Variants in MSRB3 observed in about 807,000 individuals in gnomAD.
The protein encoded by MSRB3 is methionine sulfoxide reductase B3, also known as methionine-R-sulfoxide reductase B3.
Under a neutral mutation model 21.0 loss-of-function variants are expected in MSRB3, and 13 were observed. The ratio of observed to expected loss-of-function variants is 0.62; its 90% CI spans 0.40 to 0.98. The LOEUF (loss-of-function observed/expected upper bound fraction) is 0.98. MSRB3 is among the 50% of genes least tolerant of loss of function. MSRB3 has a pLI of 0.00. For missense variants in MSRB3, 199 were observed against 230.3 expected, an observed-to-expected ratio of 0.86 and a Z score of 0.88; for synonymous variants, 87 against 88.6, an observed-to-expected ratio of 0.98 and a Z score of 0.10.
intron 5 of MSRB3, among the ~76,000 whole-genome samples, chr12:65,453,241 G>A (rs796986612): frequency 1.1e-4 from 16 of 152,068 alleles, no homozygotes; most frequent in East Asian, 5.8e-4. Flanking sequence ...CAGGATAGTC[G>A]TTTTGTTAAA....
chr12:65,311,024 T>A (rs1873954631), intron 2 of MSRB3, among the ~76,000 whole-genome samples: 1 of 152,226 alleles, frequency 6.6e-6, no homozygotes, highest in South Asian at 2.1e-4. Context: ...CATGTATCTG[T>A]ATTAATATAG....
In MSRB3 at chr12:65,464,036, AGGCCAAGGCGGGT is replaced by A. The variant is rs1436621199; in HGVS notation, c.*717_*729del. 6.6e-6 allele frequency: 1 copy of A among 152,338 alleles called. No individual in the cohort carries two copies. The highest frequency in any genetic ancestry group is 1.5e-5 in the Non-Finnish European group (1 of 68,182). The allele number at this position is 152,338 out of a possible 1,614,324, so 9.4% of individuals were successfully genotyped here. A position where few individuals can be genotyped will look rare whatever the true frequency, so the allele number is the denominator to read the frequency against. On this transcript the variant is annotated 3_prime_UTR_variant, in exon 7 of 7. Coordinates refer to ENST00000308259, the MANE Select transcript of MSRB3 (RefSeq NM_001031679.3). ...ACGCCTGTGATCCCAGCACTTTGGGAGGCCAAGGCGGGTGGATCACGAGGTCAGGAGATGGAGA... is the reference window on the plus strand; with the variant it reads ...ACGCCTGTGATCCCAGCACTTTGGGAGGATCACGAGGTCAGGAGATGGAGA...
intron 6 of MSRB3, among the ~76,000 whole-genome samples, chr12:65,454,479 ATAATC>A: frequency 6.6e-6 from 1 of 152,252 alleles, no homozygotes; most frequent in African/African-American, 2.4e-5. Flanking sequence ...TGATATTTTG[ATAATC>A]TCCCTCTCCT....
chr12:65,326,599 G>C (rs941234513), intron 2 of MSRB3, among the ~76,000 whole-genome samples: 2 of 152,196 alleles, frequency 1.3e-5, no homozygotes, highest in Non-Finnish European at 2.9e-5. Context: ...GAGACTGGCT[G>C]TAGCATATTG....
At chr12:65,357,593 C>T (rs371249967) in intron 4 of MSRB3, among the ~76,000 whole-genome samples, 1 of 151,712 alleles carries the variant, frequency 6.6e-6, no homozygotes, top group African/African-American at 2.4e-5. Context: ...TTTTCTGTTC[C>T]AGGATTCTAT....
intron 5 of MSRB3, among the ~76,000 whole-genome samples, chr12:65,396,499 T>A (rs547316911): frequency 6.6e-6 from 1 of 152,240 alleles, no homozygotes; most frequent in African/African-American, 2.4e-5. Flanking sequence ...AAGACCAGCC[T>A]GGTCAACATG....
chr12:65,369,048 T>A (rs1480215991), intron 5 of MSRB3, 22 bp downstream of exon 5: 7 of 1,520,092 alleles, frequency 4.6e-6, no homozygotes, highest in Non-Finnish European at 6.4e-6. Flanking sequence ...TTAATAATGC[T>A]CTTCTGAATA....
intron 5 of MSRB3, among the ~76,000 whole-genome samples, chr12:65,408,671 C>T (rs1880552074): frequency 6.6e-6 from 1 of 152,130 alleles, no homozygotes; most frequent in African/African-American, 2.4e-5. Flanking sequence ...TGAGCCTGCG[C>T]CCTTGGGCTG....
intron 5 of MSRB3, among the ~76,000 whole-genome samples, chr12:65,375,321 A>T (rs1878551561): frequency 6.6e-6 from 1 of 152,186 alleles, no homozygotes; most frequent in Non-Finnish European, 1.5e-5. Flanking sequence ...CTCAGATTTC[A>T]TATGTACCCT....
chr12:65,403,813 G>A (rs989752514), intron 5 of MSRB3, among the ~76,000 whole-genome samples: 38 of 152,284 alleles, frequency 2.5e-4, no homozygotes, highest in African/African-American at 6.3e-4. Flanking sequence ...AGAGTGCAGC[G>A]TTCCTCATGG....
At chr12:65,338,647 C>A (rs998953974) in intron 4 of MSRB3, among the ~76,000 whole-genome samples, 1 of 151,968 alleles carries the variant, frequency 6.6e-6, no homozygotes, top group Non-Finnish European at 1.5e-5. Context: ...AATATAAGAA[C>A]GATTAAAAAT....
At chr12:65,459,755 G>A (rs1286362523) in intron 6 of MSRB3, among the ~76,000 whole-genome samples, 1 of 152,212 alleles carries the variant, frequency 6.6e-6, no homozygotes. Flanking sequence ...AAGACAGTGG[G>A]AAATACATCA....
At chr12:65,383,977 A>G (rs1879082822) in intron 5 of MSRB3, among the ~76,000 whole-genome samples, 2 of 152,166 alleles carry the variant, frequency 1.3e-5, no homozygotes, top group Non-Finnish European at 2.9e-5. Flanking sequence ...TTAAATGTAG[A>G]GATATGCTGC....
rs1821767247 is a variant in MSRB3, at chr12:65,418,976, A to G, written c.293-34752A>G. 3 of 708,264 alleles carry G rather than the reference A, an allele frequency of 4.2e-6. No individual in the cohort carries two copies. The Admixed American group carries it at 6.0e-5, about 14-fold the overall frequency. The allele number at this position is 708,264 out of a possible 1,614,324, so 43.9% of individuals were successfully genotyped here. On this transcript the variant is annotated intron_variant, in intron 5 of 6. Transcript: ENST00000308259. Reference sequence around the variant, plus strand: ...TCTGCCCGGGTCTGTGTCAACTCCAACTCCAGGTGCAGCAGGATCCCGTTG... The same window carrying G: ...TCTGCCCGGGTCTGTGTCAACTCCAGCTCCAGGTGCAGCAGGATCCCGTTG...
At chr12:65,342,373 C>A (rs1178633560) in intron 4 of MSRB3, among the ~76,000 whole-genome samples, 1 of 151,764 alleles carries the variant, frequency 6.6e-6, no homozygotes, top group Non-Finnish European at 1.5e-5. Context: ...ATATGATCCA[C>A]AAACTTAGGA....
intron 6 of MSRB3, chr12:65,454,236 T>C: frequency 5.4e-6 from 2 of 373,088 alleles, no homozygotes; most frequent in Non-Finnish European, 1.0e-5. Flanking sequence ...TGCAGTGAGC[T>C]GTGATCATGC....
intron 5 of MSRB3, among the ~76,000 whole-genome samples, chr12:65,379,346 T>A (rs1244034842): frequency 6.6e-6 from 1 of 152,214 alleles, no homozygotes; most frequent in African/African-American, 2.4e-5. Flanking sequence ...TGGAAGCGAT[T>A]GTAGAGCTGA....
intron 1 of MSRB3, 162 bp downstream of exon 1, chr12:65,279,027 A>T (rs901415442): frequency 6.9e-7 from 1 of 1,441,242 alleles, no homozygotes; most frequent in African/African-American, 1.4e-5. Flanking sequence ...AGGGGAGCAG[A>T]AGGGTTGCGC....
At chr12:65,352,183 C>T (rs1877051820) in intron 4 of MSRB3, among the ~76,000 whole-genome samples, 1 of 152,104 alleles carries the variant, frequency 6.6e-6, no homozygotes, top group Non-Finnish European at 1.5e-5. Context: ...AAATGTAATC[C>T]AGCATATAAA....
Sources: allele counts gnomAD v4.1 joint callset (sites outside exome capture counted in the v4.1 genomes callset), GRCh38; gene constraint gnomAD v4.1.1; transcripts MANE v1.5; gene names NCBI Gene and HGNC (gene_info 2026-07-23, HGNC 2026-07-21).